Variants in MDGA2 observed in about 807,000 individuals in gnomAD.
The protein encoded by MDGA2 is MAM domain-containing glycosylphosphatidylinositol anchor protein 2.
Under a neutral mutation model 117.8 loss-of-function variants are expected in MDGA2, and 40 were observed. That is an observed-to-expected ratio of 0.34 (90% CI 0.26 to 0.44). MDGA2 has a LOEUF of 0.44. MDGA2 is among the 20% of genes least tolerant of loss of function. The pLI, the probability that MDGA2 is intolerant of heterozygous loss-of-function variation, is 1.00. For missense variants in MDGA2, 1,123 were observed against 1,250.6 expected (o/e 0.90, Z 1.54); for synonymous variants, 452 against 439.0 (o/e 1.03, Z -0.37).
intron 1 of MDGA2, among the ~76,000 whole-genome samples, chr14:47,319,599 T>C (rs1396181435): frequency 6.6e-6 from 1 of 152,142 alleles, no homozygotes; most frequent in Non-Finnish European, 1.5e-5. Flanking sequence ...TGATAAAAAT[T>C]ATCAAAGCTT....
intron 1 of MDGA2, among the ~76,000 whole-genome samples, chr14:47,362,478 T>C (rs879843616): frequency 1.3e-5 from 2 of 152,190 alleles, no homozygotes; most frequent in African/African-American, 2.4e-5. Flanking sequence ...ATTTGAGGTA[T>C]TGATATTTTT....
intron 9 of MDGA2, among the ~76,000 whole-genome samples, chr14:46,937,032 G>T (rs997559776): frequency 6.6e-6 from 1 of 151,824 alleles, no homozygotes; most frequent in African/African-American, 2.4e-5. Flanking sequence ...ACTTTTATAC[G>T]CAGAAAAACC....
chr14:47,539,166 A>C (rs1238701951), intron 1 of MDGA2, among the ~76,000 whole-genome samples: 2 of 152,188 alleles, frequency 1.3e-5, no homozygotes, highest in Non-Finnish European at 2.9e-5. Context: ...CAGGAGACCA[A>C]CTGTACATAG....
At chr14:46,944,686 T>C (rs529597431) in intron 9 of MDGA2, among the ~76,000 whole-genome samples, 1 of 152,002 alleles carries the variant, frequency 6.6e-6, no homozygotes, top group Admixed American at 6.6e-5. Flanking sequence ...TTGTTTTCAA[T>C]TTTACCAGTC....
intron 2 of MDGA2, among the ~76,000 whole-genome samples, chr14:47,272,903 T>G (rs1888192769): frequency 1.3e-5 from 2 of 152,188 alleles, no homozygotes; most frequent in South Asian, 4.1e-4. Context: ...CTGAAGGTAA[T>G]TGGTTACTAT....
intron 1 of MDGA2, among the ~76,000 whole-genome samples, chr14:47,511,715 GAGGAAAGGT>G (rs1894644617): frequency 6.6e-6 from 1 of 152,126 alleles, no homozygotes; most frequent in Non-Finnish European, 1.5e-5. Context: ...ACACCTAAGA[GAGGAAAGGT>G]AGCAAATGAA....
chr14:46,914,131 G>A (rs1052863812), intron 10 of MDGA2, among the ~76,000 whole-genome samples: 2 of 152,046 alleles, frequency 1.3e-5, no homozygotes, highest in Non-Finnish European at 2.9e-5. Flanking sequence ...GAAGTAAAAT[G>A]ATGTTTACGT....
intron 1 of MDGA2, among the ~76,000 whole-genome samples, chr14:47,372,627 C>T (rs1891387979): frequency 1.3e-5 from 2 of 151,982 alleles, no homozygotes; most frequent in East Asian, 1.9e-4. Context: ...GTATGAATTG[C>T]TACCCACCAT....
chr14:47,441,052 G>T (rs1328855617), intron 1 of MDGA2, among the ~76,000 whole-genome samples: 1 of 152,088 alleles, frequency 6.6e-6, no homozygotes, highest in African/African-American at 2.4e-5. Flanking sequence ...AAGCAAGGAA[G>T]GAAATACATG....
intron 4 of MDGA2, among the ~76,000 whole-genome samples, chr14:47,133,699 T>C (rs984171495): frequency 7.2e-5 from 11 of 151,978 alleles, no homozygotes; most frequent in Non-Finnish European, 1.5e-4. Flanking sequence ...ATATCCTAAA[T>C]TGAACTTCAA....
chr14:47,155,692 G>C (rs1883340403), intron 3 of MDGA2, among the ~76,000 whole-genome samples: 1 of 151,936 alleles, frequency 6.6e-6, no homozygotes, highest in African/African-American at 2.4e-5. Context: ...ACAGGTGTGA[G>C]ATCCAGGCCA....
intron 14 of MDGA2, among the ~76,000 whole-genome samples, chr14:46,870,750 A>G (rs1366572539): frequency 6.6e-6 from 1 of 152,020 alleles, no homozygotes; most frequent in Non-Finnish European, 1.5e-5. Flanking sequence ...GAATAAAACT[A>G]GCAGAACGTC....
chr14:47,551,558 C>T (rs1324026353), intron 1 of MDGA2, among the ~76,000 whole-genome samples: 3 of 152,088 alleles, frequency 2.0e-5, no homozygotes, highest in African/African-American at 7.2e-5. Context: ...TTCAACCTTT[C>T]CCCCAATTTG....
chr14:47,246,905 C>G (rs1030250886), intron 2 of MDGA2, among the ~76,000 whole-genome samples: 2 of 150,996 alleles, frequency 1.3e-5, no homozygotes, highest in Non-Finnish European at 3.0e-5. Flanking sequence ...GGCTGCAGTC[C>G]TTGGTTTGGA....
intron 1 of MDGA2, among the ~76,000 whole-genome samples, chr14:47,473,049 G>A (rs1366315631): frequency 6.6e-6 from 1 of 152,164 alleles, no homozygotes; most frequent in African/African-American, 2.4e-5. Context: ...CCCAATGGGA[G>A]GAAAAACCTG....
At chr14:47,226,858 T>C (rs537989410) in intron 2 of MDGA2, among the ~76,000 whole-genome samples, 1 of 152,222 alleles carries the variant, frequency 6.6e-6, no homozygotes, top group Non-Finnish European at 1.5e-5. Context: ...ATTTTACAGC[T>C]CCAGTCCTTC....
chr14:46,974,398 CAA>C (rs1886377709), intron 8 of MDGA2, among the ~76,000 whole-genome samples: 1 of 152,002 alleles, frequency 6.6e-6, no homozygotes, highest in Non-Finnish European at 1.5e-5. Context: ...ATATGAATCT[CAA>C]GAGACCCTGA....
chr14:47,266,173 C>A (rs1442726781), intron 2 of MDGA2, among the ~76,000 whole-genome samples: 1 of 152,112 alleles, frequency 6.6e-6, no homozygotes, highest in Admixed American at 6.6e-5. Flanking sequence ...AGCTGGAACC[C>A]AAACCCAGGT....
At chr14:47,440,357 T>C (rs2138545945) in intron 1 of MDGA2, among the ~76,000 whole-genome samples, 1 of 152,276 alleles carries the variant, frequency 6.6e-6, no homozygotes, top group South Asian at 2.1e-4. Context: ...CCATGGGACT[T>C]TGTTTATCTC....
Sources: gnomAD v4.1 joint callset for allele counts (sites outside exome capture counted in the v4.1 genomes callset) on GRCh38, gnomAD v4.1.1 for gene constraint, MANE v1.5 for transcripts, NCBI Gene and HGNC (gene_info 2026-07-23, HGNC 2026-07-21) for gene names.